The following CCDC126 variants were observed in gnomAD, a reference collection of about 807,000 sequenced individuals.
The protein encoded by CCDC126 is coiled-coil domain containing 126.
Under a neutral mutation model 11.7 loss-of-function variants are expected in CCDC126, and 5 were observed. That is an observed-to-expected ratio of 0.43 (90% CI 0.22 to 0.90). The LOEUF is 0.90. CCDC126 is among the 40% of genes least tolerant of loss of function. CCDC126 has a pLI of 0.27. For synonymous variants in CCDC126, 60 were observed against 61.9 expected (o/e 0.97, Z 0.14); for missense variants, 150 against 163.1 (o/e 0.92, Z 0.44).
intron 3 of CCDC126, among the ~76,000 whole-genome samples, chr7:23,625,382 C>T (rs993531968): frequency 2.0e-5 from 3 of 152,162 alleles, no homozygotes; most frequent in African/African-American, 7.2e-5. Context: ...GATTGCCCTC[C>T]AGAATGGTTC....
In CCDC126 at chr7:23,643,943, A is replaced by G. The variant is rs746117095; in HGVS notation, c.*828A>G. 7 of 152,128 alleles carry G rather than the reference A, an allele frequency of 4.6e-5. No individual in the cohort carries two copies. Among genetic ancestry groups the G allele is most frequent in the Non-Finnish European group, 5.9e-5 (4 of 67,962 alleles). 9.4% of individuals were successfully genotyped at this position (152,128 alleles called of 1,614,324 possible). On this transcript the variant is annotated 3_prime_UTR_variant, in exon 4 of 4. Coordinates refer to ENST00000307471, the MANE Select transcript of CCDC126 (RefSeq NM_138771.4). ...TAAAAGTTTAATCCTTTGAGTGTCT[A>G]TGCTATCAGGAAAGCACATTATTTC... is the stretch of plus-strand genomic sequence containing the variant.
rs537060952 is a variant in CCDC126 at position 23,620,519 on chromosome 7, T to G, written c.238+8966T>G. Among the ~76,000 whole-genome samples the G allele has an allele frequency of 3.0e-4, 45 of 151,824 alleles. No homozygotes were observed. The East Asian group carries it at 5.8e-3, about 20-fold the overall frequency. On this transcript the variant is annotated intron_variant, in intron 3 of 3. Transcript: ENST00000307471. ...GTAGATTGCAAAAATTTTCTCCCAT[T>G]TTGTAGGTTGCCTGTTCACTCTGAT...
chr7:23,627,767 T>G (rs953600731), intron 3 of CCDC126, among the ~76,000 whole-genome samples: 2 of 150,638 alleles, frequency 1.3e-5, no homozygotes, highest in African/African-American at 2.4e-5. Flanking sequence ...CACAGCCAAT[T>G]TTTTTTTTAA....
At chr7:23,630,195 A>G (rs1783085923) in intron 3 of CCDC126, among the ~76,000 whole-genome samples, 1 of 152,196 alleles carries the variant, frequency 6.6e-6, no homozygotes, top group Admixed American at 6.5e-5. Context: ...AGTGGAATGC[A>G]CATTTTTCAA....
chr7:23,626,552 T>C (rs1562496070), intron 3 of CCDC126, among the ~76,000 whole-genome samples: 1 of 152,136 alleles, frequency 6.6e-6, no homozygotes, highest in African/African-American at 2.4e-5. Flanking sequence ...AGATTTGTTA[T>C]ATAGATAAAC....
chr7:23,598,886 C>T (rs568869306), intron 2 of CCDC126, among the ~76,000 whole-genome samples: 1 of 152,294 alleles, frequency 6.6e-6, no homozygotes, highest in Admixed American at 6.5e-5. Flanking sequence ...GTCCTCATCT[C>T]TAAAATAGTG....
At chr7:23,640,155 C>T (rs980810698) in intron 3 of CCDC126, among the ~76,000 whole-genome samples, 13 of 151,392 alleles carry the variant, frequency 8.6e-5, no homozygotes, top group South Asian at 2.1e-4. Context: ...TGCACTCCAG[C>T]CTGGGTGACA....
intron 3 of CCDC126, among the ~76,000 whole-genome samples, chr7:23,632,004 C>G (rs545031050): frequency 7.9e-5 from 12 of 151,256 alleles, no homozygotes; most frequent in African/African-American, 2.4e-4. Flanking sequence ...AACTGCAGAT[C>G]AAAATTCCCC....
intron 3 of CCDC126, chr7:23,619,519 CTG>C: frequency 3.1e-6 from 1 of 326,322 alleles, no homozygotes; most frequent in South Asian, 3.4e-5. Flanking sequence ...TAATGCACAG[CTG>C]GGCCCACCTT....
At chr7:23,612,073 G>T (rs561216240) in intron 3 of CCDC126, among the ~76,000 whole-genome samples, 1 of 151,408 alleles carries the variant, frequency 6.6e-6, no homozygotes, top group East Asian at 1.9e-4. Context: ...TTGAACCTGG[G>T]AGGCGGAGGT....
intron 3 of CCDC126, among the ~76,000 whole-genome samples, chr7:23,624,146 T>C (rs1370689497): frequency 6.6e-6 from 1 of 152,244 alleles, no homozygotes; most frequent in African/African-American, 2.4e-5. Context: ...TTTGTTACTG[T>C]GGTCTCCTTT....
intron 3 of CCDC126, among the ~76,000 whole-genome samples, chr7:23,636,423 T>G (rs1333553001): frequency 6.7e-6 from 1 of 149,658 alleles, no homozygotes; most frequent in East Asian, 2.0e-4. Context: ...GAGGAGCGCC[T>G]CTTCGCCGCC....
Position 23,609,200 on chromosome 7 carries a change from T to G in CCDC126, c.-145-1971T>G, listed in dbSNP as rs189209150. Among the ~76,000 whole-genome samples, 53 of 152,220 alleles carry G rather than the reference T, an allele frequency of 3.5e-4. 2 individuals carry two copies. The highest frequency in any genetic ancestry group is 2.9e-3 in the East Asian group (15 of 5,172). ...ACCTTAATTTCTAATTTTTTTTTTT[T>G]GGGATGGAGTTTCACTCTTGTTGCC... On this transcript the variant is annotated intron_variant, in intron 2 of 3. Coordinates refer to ENST00000307471, the MANE Select transcript of CCDC126 (RefSeq NM_138771.4).
At chr7:23,600,192 T>C (rs948956782) in intron 2 of CCDC126, among the ~76,000 whole-genome samples, 37 of 152,236 alleles carry the variant, frequency 2.4e-4, no homozygotes, top group African/African-American at 8.7e-4. Flanking sequence ...TTTATCTGTT[T>C]TTGTAATATT....
At chr7:23,600,020 A>G (rs1440873172) in intron 2 of CCDC126, among the ~76,000 whole-genome samples, 1 of 152,188 alleles carries the variant, frequency 6.6e-6, no homozygotes, top group African/African-American at 2.4e-5. Context: ...CCTGACCTCA[A>G]GTGATCCGCC....
intron 3 of CCDC126, among the ~76,000 whole-genome samples, chr7:23,622,218 T>G (rs1378325958): frequency 1.3e-5 from 2 of 152,194 alleles, no homozygotes; most frequent in Non-Finnish European, 2.9e-5. Context: ...TCCTGGACTG[T>G]TTTTGGTTGG....
intron 3 of CCDC126, among the ~76,000 whole-genome samples, chr7:23,618,513 A>G (rs1221197081): frequency 6.6e-6 from 1 of 151,304 alleles, no homozygotes; most frequent in Non-Finnish European, 1.5e-5. Flanking sequence ...CTACCTCCCA[A>G]CAACTGGAGA....
At chr7:23,618,270 C>A (rs541046352) in intron 3 of CCDC126, among the ~76,000 whole-genome samples, 12 of 152,282 alleles carry the variant, frequency 7.9e-5, no homozygotes, top group African/African-American at 2.6e-4. Flanking sequence ...AATCTCCACC[C>A]CTCCTCCCCT....
intron 3 of CCDC126, among the ~76,000 whole-genome samples, chr7:23,618,247 C>T (rs937356599): frequency 6.6e-6 from 1 of 152,152 alleles, no homozygotes; most frequent in Non-Finnish European, 1.5e-5. Context: ...TCATTGCCCA[C>T]GTGGTTGAAC....
Sources: gnomAD v4.1 joint callset for allele counts (sites outside exome capture counted in the v4.1 genomes callset) on GRCh38, gnomAD v4.1.1 for gene constraint, MANE v1.5 for transcripts, NCBI Gene and HGNC (gene_info 2026-07-23, HGNC 2026-07-21) for gene names.